Variants in LRRN2 observed in about 807,000 individuals in gnomAD.
The protein encoded by LRRN2 is leucine rich repeat neuronal 2, also known as leucine-rich repeat neuronal protein 2.
Under a neutral mutation model 35.7 loss-of-function variants are expected in LRRN2, and 10 were observed. The observed-to-expected ratio is 0.28, with a 90% CI of 0.17 to 0.47. The LOEUF (loss-of-function observed/expected upper bound fraction) is 0.47. Ranked by LOEUF, LRRN2 falls within the 20% of genes least tolerant of loss-of-function variation. The pLI is 0.99. For missense variants in LRRN2, 731 were observed against 940.3 expected (o/e 0.78, Z 2.91); for synonymous variants, 391 against 409.6 (o/e 0.95, Z 0.55).
At chr1:204,646,196 C>T (rs1014470925) in intron 1 of LRRN2, among the ~76,000 whole-genome samples, 1 of 152,024 alleles carries the variant, frequency 6.6e-6, no homozygotes, top group African/African-American at 2.4e-5. Context: ...GGAGAAGGGG[C>T]GTGGACCAGG....
chr1:204,668,728 A>AC (rs1212977184), intron 1 of LRRN2, among the ~76,000 whole-genome samples: 2 of 152,196 alleles, frequency 1.3e-5, no homozygotes, highest in Admixed American at 6.5e-5. Flanking sequence ...GGCGATCATA[A>AC]TACACACCCC....
At chr1:204,632,358 T>C (rs978174061) in intron 1 of LRRN2, among the ~76,000 whole-genome samples, 1 of 151,884 alleles carries the variant, frequency 6.6e-6, no homozygotes, top group African/African-American at 2.4e-5. Context: ...TGGCCGGGTG[T>C]GGTGGCTCAC....
At chr1:204,630,574 C>A (rs1667665702) in intron 1 of LRRN2, among the ~76,000 whole-genome samples, 1 of 152,076 alleles carries the variant, frequency 6.6e-6, no homozygotes, top group Non-Finnish European at 1.5e-5. Flanking sequence ...TCCCTGTCAG[C>A]TGTCCAGGCA....
At chr1:204,641,592 A>C (rs1667978371) in intron 1 of LRRN2, among the ~76,000 whole-genome samples, 1 of 152,204 alleles carries the variant, frequency 6.6e-6, no homozygotes, top group African/African-American at 2.4e-5. Context: ...CAACCCTACG[A>C]GAGTAGTATT....
intron 1 of LRRN2, among the ~76,000 whole-genome samples, chr1:204,684,069 A>G (rs1290047476): frequency 1.3e-5 from 2 of 152,206 alleles, no homozygotes; most frequent in Non-Finnish European, 2.9e-5. Context: ...GCTGGGCCAG[A>G]GCCCATCCTA....
At chr1:204,676,763 G>C (rs1668833560) in intron 1 of LRRN2, among the ~76,000 whole-genome samples, 1 of 152,136 alleles carries the variant, frequency 6.6e-6, no homozygotes, top group Non-Finnish European at 1.5e-5. Flanking sequence ...CTCTAGAGGA[G>C]TGGCCCTGGG....
chr1:204,648,691 T>C (rs1668161344), intron 1 of LRRN2, among the ~76,000 whole-genome samples: 1 of 152,206 alleles, frequency 6.6e-6, no homozygotes, highest in Admixed American at 6.5e-5. Flanking sequence ...TCTGCAGCTG[T>C]GTGCTGAGAA....
Position 204,638,213 on chromosome 1 carries a change from C to T in LRRN2, c.-226-17995G>A, listed in dbSNP as rs563504325. Among the ~76,000 whole-genome samples the T allele has an allele frequency of 4.6e-5, 7 of 151,366 alleles. No homozygotes were observed. In the South Asian group the frequency reaches 1.0e-3, roughly 23 times the overall value. The stretch of plus-strand genomic sequence containing the variant: ...CGCACTACTGTTCGCAGAGCCAGAG[C>T]GCTGTCATGGTGATCTGGGGCCAGG... On this transcript the variant is annotated intron_variant, in intron 1 of 1. Coordinates refer to ENST00000367177, the MANE Select transcript of LRRN2 (RefSeq NM_201630.2).
chr1:204,625,236 G>C (rs887351877), intron 1 of LRRN2, among the ~76,000 whole-genome samples: 1 of 152,204 alleles, frequency 6.6e-6, no homozygotes, highest in Non-Finnish European at 1.5e-5. Flanking sequence ...GCTGGGAATG[G>C]GGATAATGCC....
chr1:204,661,204 A>G (rs938636273), intron 1 of LRRN2, among the ~76,000 whole-genome samples: 1 of 152,220 alleles, frequency 6.6e-6, no homozygotes, highest in African/African-American at 2.4e-5. Flanking sequence ...AATGTGGAGC[A>G]AAAGAATACA....
intron 1 of LRRN2, among the ~76,000 whole-genome samples, chr1:204,682,184 C>T (rs1668968926): frequency 1.3e-5 from 2 of 152,192 alleles, no homozygotes; most frequent in African/African-American, 2.4e-5. Context: ...TACCTGAATG[C>T]AGGTGGGGTG....
chr1:204,641,526 T>C (rs1667976431), intron 1 of LRRN2, among the ~76,000 whole-genome samples: 1 of 152,234 alleles, frequency 6.6e-6, no homozygotes, highest in Non-Finnish European at 1.5e-5. Context: ...ACTTATTGAA[T>C]GTTAACTATG....
chr1:204,617,473 G>A lies in LRRN2; in HGVS notation c.*378C>T. ...CCTTGCCCAGGAGGCACAAGAGCAAGCAACTGAGACTGTACAGAGAAAGAG... is the reference window on the plus strand; with the variant it reads ...CCTTGCCCAGGAGGCACAAGAGCAAACAACTGAGACTGTACAGAGAAAGAG... On this transcript the variant is annotated 3_prime_UTR_variant, in exon 2 of 2. Coordinates refer to ENST00000367177, the MANE Select transcript of LRRN2 (RefSeq NM_201630.2). The A allele has an allele frequency of 4.9e-6, 1 of 204,442 alleles. No homozygotes were observed. Among genetic ancestry groups the A allele is most frequent in the Non-Finnish European group, 1.0e-5 (1 of 100,486 alleles). 12.7% of individuals were successfully genotyped at this position (204,442 alleles called of 1,614,324 possible).
intron 1 of LRRN2, chr1:204,627,380 A>C (rs962185983): frequency 1.3e-5 from 2 of 152,142 alleles, no homozygotes; most frequent in Non-Finnish European, 2.9e-5. Flanking sequence ...GGCAAAGGTG[A>C]GGCTTCTTTG....
At chr1:204,670,682 GA>G (rs949661716) in intron 1 of LRRN2, among the ~76,000 whole-genome samples, 1 of 151,550 alleles carries the variant, frequency 6.6e-6, no homozygotes, top group African/African-American at 2.4e-5. Context: ...GAGTACCAGA[GA>G]AGCCAAGAAT....
intron 1 of LRRN2, among the ~76,000 whole-genome samples, chr1:204,684,772 G>A (rs911046358): frequency 5.3e-5 from 8 of 152,096 alleles, no homozygotes; most frequent in African/African-American, 1.7e-4. Flanking sequence ...GGCCCGGGAG[G>A]AGCCTAGCTC....
At chr1:204,677,775 G>C (rs182923144) in intron 1 of LRRN2, among the ~76,000 whole-genome samples, 2 of 152,152 alleles carry the variant, frequency 1.3e-5, no homozygotes, top group Non-Finnish European at 2.9e-5. Context: ...ATCTGGTCTC[G>C]GGCAGGAGAG....
Position 204,618,915 on chromosome 1 carries a change from T to G in LRRN2, c.1078A>C (p.Asn360His). 1.9e-6 allele frequency: 3 copies of G among 1,614,124 alleles called. No homozygotes were observed. Among genetic ancestry groups the G allele is most frequent in the Non-Finnish European group, 2.5e-6 (3 of 1,179,986 alleles). The change falls in exon 2 of 2, where the codon AAC becomes CAC. Residue 360 changes from asparagine (N) to histidine (H), a missense_variant. By Grantham distance (68) the Asn-to-His change is moderately conservative. Around this residue, in one of 3 missense-constraint regions of LRRN2, gnomAD observed 256 missense variants for 392.4 expected, o/e 0.65. Coordinates refer to ENST00000367177, the MANE Select transcript of LRRN2 (RefSeq NM_201630.2). ...CCGTGGAGACCTACCTCCTGCAGGTTGGGCAGGGACTCCACCGTCTGCTGG... is the reference window on the plus strand; with the variant it reads ...CCGTGGAGACCTACCTCCTGCAGGTGGGGCAGGGACTCCACCGTCTGCTGG... ...LHQQTVESLPNLQEVGLHGNP... is the reference protein window; with the variant it reads ...LHQQTVESLPHLQEVGLHGNP...
chr1:204,620,417 G>T (rs1022065969), intron 1 of LRRN2, 199 bp from the exon 2 acceptor site: 2 of 206,176 alleles, frequency 9.7e-6, no homozygotes, highest in Non-Finnish European at 2.1e-5. Context: ...GGGATTACAG[G>T]CACCTGCCAC....
Sources: gnomAD v4.1 joint callset for allele counts (sites outside exome capture counted in the v4.1 genomes callset) on GRCh38, gnomAD v4.1.1 for gene constraint, gnomAD v4.1.1 regional missense constraint, MANE v1.5 for transcripts, NCBI Gene and HGNC (gene_info 2026-07-23, HGNC 2026-07-21) for gene names.